The following ODAD2 variants were observed in gnomAD, a reference collection of about 807,000 sequenced individuals.
The protein encoded by ODAD2 is outer dynein arm-docking complex subunit 2.
ODAD2 carries 89 observed loss-of-function variants against 106.8 expected under a neutral mutation model. That is an observed-to-expected ratio of 0.83 (90% CI 0.70 to 0.99). The LOEUF (loss-of-function observed/expected upper bound fraction) is 0.99. Among genes scored for constraint, ODAD2 ranks in the 50% least tolerant of loss-of-function variants. ODAD2 has a pLI of 0.00. For synonymous variants in ODAD2, 404 were observed against 436.2 expected (o/e 0.93, Z 0.92); for missense variants, 1,168 against 1,238.5 (o/e 0.94, Z 0.85).
chr10:27,994,948 G>A lies in ODAD2; in HGVS notation c.195C>T (p.Pro65=). 6.2e-7 allele frequency: 1 copy of A among 1,614,134 alleles called. No homozygotes were observed. The highest frequency in any genetic ancestry group is 8.5e-7 in the Non-Finnish European group (1 of 1,180,018). ...EPLEWNTSLA[P]SAFESGYVVS... ...CAACATAACCTGATTCAAATGCTGA[G>A]GGCGCCAAACTTGTGTTCCATTCAA... Residue 65 remains proline (P), a synonymous_variant, in exon 2 of 20, where the codon CCC becomes CCT. Coordinates refer to ENST00000305242, the MANE Select transcript of ODAD2 (RefSeq NM_018076.5).
intron 7 of ODAD2, among the ~76,000 whole-genome samples, chr10:27,975,962 G>C (rs1393876101): frequency 1.3e-5 from 2 of 152,092 alleles, no homozygotes; most frequent in East Asian, 1.9e-4. Flanking sequence ...GTTTGTCTCA[G>C]AAATGTAAGG....
At chr10:27,818,545 T>C (rs1836326679) in intron 19 of ODAD2, among the ~76,000 whole-genome samples, 1 of 152,208 alleles carries the variant, frequency 6.6e-6, no homozygotes, top group Non-Finnish European at 1.5e-5. Flanking sequence ...TGTAGGTGTT[T>C]CTGGGCCCTG....
rs577286070 is a variant in ODAD2, at chr10:27,825,339, A to T, written c.3022-12714T>A. 1.1e-3 allele frequency among the ~76,000 whole-genome samples: 174 copies of T among 152,308 alleles called. 2 individuals carry two copies. The highest frequency in any genetic ancestry group is 3.7e-3 in the African/African-American group (152 of 41,568). Reference sequence around the variant, plus strand: ...AAAGGTGCAGCCTAGCGAAAACAAAAATGCTCAGATTCAGAATGTAATAAA... The same window carrying T: ...AAAGGTGCAGCCTAGCGAAAACAAATATGCTCAGATTCAGAATGTAATAAA... On this transcript the variant is annotated intron_variant, in intron 19 of 19. Transcript: ENST00000305242.
intron 9 of ODAD2, among the ~76,000 whole-genome samples, chr10:27,963,524 A>T (rs986236315): frequency 6.6e-5 from 10 of 152,204 alleles, no homozygotes; most frequent in African/African-American, 1.4e-4. Context: ...CAATGACCAT[A>T]ATAGAACACA....
At chr10:27,998,175 G>A (rs765304288) in intron 1 of ODAD2, among the ~76,000 whole-genome samples, 13 of 152,324 alleles carry the variant, frequency 8.5e-5, no homozygotes, top group South Asian at 2.1e-4. Context: ...ATGAAATGTG[G>A]TTGGTAACAT....
At chr10:27,856,743 G>A (rs567060203) in intron 19 of ODAD2, among the ~76,000 whole-genome samples, 2 of 152,222 alleles carry the variant, frequency 1.3e-5, no homozygotes, top group African/African-American at 4.8e-5. Context: ...GAGGTGGGTG[G>A]ATCACCTGAG....
chr10:27,956,191 T>C (rs1847720532), intron 10 of ODAD2, among the ~76,000 whole-genome samples: 1 of 152,208 alleles, frequency 6.6e-6, no homozygotes, highest in African/African-American at 2.4e-5. Context: ...TTTCTACCAA[T>C]GTAACCCCAT....
chr10:27,995,124 T>A lies in ODAD2; in HGVS notation c.19A>T (p.Lys7Ter). Residue 7 changes from lysine (K) to a stop codon, truncating the protein, a stop_gained, in exon 2 of 20, where the codon AAA (lysine) becomes TAA (stop). Coordinates refer to ENST00000305242, the MANE Select transcript of ODAD2 (RefSeq NM_018076.5). LOFTEE classifies it high-confidence loss of function. ...CCGGCAGCAGTCCACTGCGTCAATT[T>A]CCTCAGAGCCACACCCATGGGATCC... is the stretch of plus-strand genomic sequence containing the variant. MGVALR[K>*]LTQWTAAGHG... 1 of 1,614,064 alleles carries A rather than the reference T, an allele frequency of 6.2e-7. No homozygotes were observed. Among genetic ancestry groups the A allele is most frequent in the South Asian group, 1.1e-5 (1 of 91,078 alleles).
chr10:27,845,691 GACAC>G (rs1382625531), intron 19 of ODAD2, among the ~76,000 whole-genome samples: 2 of 152,130 alleles, frequency 1.3e-5, no homozygotes, highest in African/African-American at 4.8e-5. Flanking sequence ...CATGTGCAGA[GACAC>G]ACATAGGATC....
At position 27,931,060 on chromosome 10, in the gene ODAD2, G is replaced by T. The variant is rs539820463; in HGVS notation, c.2495+3950C>A. 5.9e-5 allele frequency among the ~76,000 whole-genome samples: 9 copies of T among 152,194 alleles called. No individual in the cohort carries two copies. In the South Asian group the frequency reaches 1.7e-3, roughly 28 times the overall value. On this transcript the variant is annotated intron_variant, in intron 16 of 19. Transcript: ENST00000305242. The stretch of plus-strand genomic sequence containing the variant: ...CCTCATAATGCAAAACTGGGTCTCT[G>T]ATGGCAAAGTCTTCACTTCTTCCAA...
At chr10:27,947,474 A>G (rs1301661818) in intron 10 of ODAD2, among the ~76,000 whole-genome samples, 1 of 152,160 alleles carries the variant, frequency 6.6e-6, no homozygotes, top group African/African-American at 2.4e-5. Context: ...CTAAAATAAT[A>G]ATAATAAAGG....
intron 19 of ODAD2, among the ~76,000 whole-genome samples, chr10:27,816,921 T>C (rs961147970): frequency 2.0e-5 from 3 of 152,148 alleles, no homozygotes; most frequent in African/African-American, 7.2e-5. Context: ...AGCTAATTTT[T>C]GTATTTTTAG....
chr10:27,854,818 G>A (rs541094862), intron 19 of ODAD2, among the ~76,000 whole-genome samples: 80 of 151,920 alleles, frequency 5.3e-4, no homozygotes, highest in African/African-American at 1.8e-3. Flanking sequence ...TTCATACAAC[G>A]GACTACCACT....
rs1356823126 is a variant in ODAD2, at chr10:27,961,778, C to A, written c.1239-63G>T. 75 of 1,439,492 alleles carry A rather than the reference C, an allele frequency of 5.2e-5. 1 individual carries two copies. The South Asian group carries it at 7.6e-4, about 15-fold the overall frequency. 89.2% of individuals were successfully genotyped at this position (1,439,492 alleles called of 1,614,324 possible). ...TAGTGTGGAGATCTATTAAGACCTA[C>A]ATGGGGCCAGGTGCAGTGGCTCATG... On this transcript the variant is annotated intron_variant, in intron 9 of 19. Coordinates refer to ENST00000305242, the MANE Select transcript of ODAD2 (RefSeq NM_018076.5).
intron 19 of ODAD2, among the ~76,000 whole-genome samples, chr10:27,820,483 C>A (rs115379761): frequency 7.9e-5 from 12 of 151,992 alleles, no homozygotes; most frequent in African/African-American, 2.9e-4. Context: ...TTGGCTATTC[C>A]CGGAGTCAAC....
At chr10:27,841,081 A>G (rs1436922349) in intron 19 of ODAD2, among the ~76,000 whole-genome samples, 1 of 152,208 alleles carries the variant, frequency 6.6e-6, no homozygotes, top group Non-Finnish European at 1.5e-5. Context: ...TAACATATAT[A>G]TGAGCTATTT....
chr10:27,838,906 C>T (rs549819082), intron 19 of ODAD2, among the ~76,000 whole-genome samples: 4 of 152,274 alleles, frequency 2.6e-5, no homozygotes, highest in East Asian at 1.9e-4. Context: ...GATCCAAGGA[C>T]CTACAGGTCG....
intron 19 of ODAD2, among the ~76,000 whole-genome samples, chr10:27,834,352 T>C (rs1479936884): frequency 6.6e-6 from 1 of 152,198 alleles, no homozygotes; most frequent in Non-Finnish European, 1.5e-5. Context: ...CTTGGCCTTC[T>C]GGAATAGACA....
Position 27,896,456 on chromosome 10 carries a change from G to T in ODAD2, c.2610+11207C>A, listed in dbSNP as rs554950942. Among the ~76,000 whole-genome samples the T allele has an allele frequency of 2.6e-5, 4 of 152,336 alleles. No individual in the cohort carries two copies. In the South Asian group the frequency reaches 8.3e-4, roughly 32 times the overall value. Reference sequence around the variant, plus strand: ...CAAGTACATAGATTGATAGGTAATAGATGGATGATTGATTGAAAGATAGAG... The same window carrying T: ...CAAGTACATAGATTGATAGGTAATATATGGATGATTGATTGAAAGATAGAG... On this transcript the variant is annotated intron_variant, in intron 17 of 19. Coordinates refer to ENST00000305242, the MANE Select transcript of ODAD2 (RefSeq NM_018076.5).
Sources: allele counts gnomAD v4.1 joint callset (sites outside exome capture counted in the v4.1 genomes callset), GRCh38; gene constraint gnomAD v4.1.1; transcripts MANE v1.5; gene names NCBI Gene and HGNC (gene_info 2026-07-23, HGNC 2026-07-21).